NECAB1: variants seen among roughly 807,000 people sequenced by gnomAD.
NECAB1 encodes the protein N-terminal EF-hand calcium binding protein 1, also known as N-terminal EF-hand calcium-binding protein 1.
A neutral mutation model predicts 57.5 loss-of-function variants in NECAB1; 29 were observed. That is an observed-to-expected ratio of 0.50 (90% CI 0.38 to 0.69). The LOEUF is 0.69. Among genes scored for constraint, NECAB1 ranks in the 30% least tolerant of loss-of-function variants. The pLI, the probability that NECAB1 is intolerant of heterozygous loss-of-function variation, is 0.00. For synonymous variants in NECAB1, 142 were observed against 147.7 expected (o/e 0.96, Z 0.28); for missense variants, 372 against 413.8 (o/e 0.90, Z 0.88).
intron 3 of NECAB1, among the ~76,000 whole-genome samples, chr8:90,856,546 A>T (rs1358584565): frequency 2.0e-5 from 3 of 152,224 alleles, no homozygotes; most frequent in Non-Finnish European, 4.4e-5. Context: ...ATCTGAAGTA[A>T]TGGAATAGTT....
intron 8 of NECAB1, among the ~76,000 whole-genome samples, chr8:90,931,225 T>C (rs1045154417): frequency 2.0e-5 from 3 of 152,204 alleles, no homozygotes; most frequent in Non-Finnish European, 4.4e-5. Flanking sequence ...CAGTGCAAGT[T>C]CAGTTTTCTT....
chr8:90,807,717 TAATG>T (rs1377214119), intron 2 of NECAB1, among the ~76,000 whole-genome samples: 5 of 152,284 alleles, frequency 3.3e-5, no homozygotes, highest in Admixed American at 2.0e-4. Context: ...TTTGGGAAAA[TAATG>T]AAACTGAGAA....
At chr8:90,878,704 A>C (rs1282598832) in intron 4 of NECAB1, among the ~76,000 whole-genome samples, 1 of 152,090 alleles carries the variant, frequency 6.6e-6, no homozygotes, top group Non-Finnish European at 1.5e-5. Flanking sequence ...TGAATGAAGG[A>C]CAGAAAGAAT....
intron 3 of NECAB1, among the ~76,000 whole-genome samples, chr8:90,870,777 G>A (rs1260776639): frequency 6.6e-6 from 1 of 152,210 alleles, no homozygotes; most frequent in Admixed American, 6.5e-5. Flanking sequence ...GTTTGTAGAT[G>A]TTGCAACCTC....
At chr8:90,812,006 G>A (rs1036475134) in intron 2 of NECAB1, among the ~76,000 whole-genome samples, 1 of 152,178 alleles carries the variant, frequency 6.6e-6, no homozygotes, top group Non-Finnish European at 1.5e-5. Context: ...AGAGACAGCA[G>A]ATGATCTCTC....
rs201243985 is a variant in NECAB1 at position 90,868,259 on chromosome 8, TC to T, written c.234-3866del. 1.1e-3 allele frequency among the ~76,000 whole-genome samples: 174 copies of T among 152,234 alleles called. No individual in the cohort carries two copies. In the East Asian group the frequency reaches 0.013, roughly 11 times the overall value. On this transcript the variant is annotated intron_variant, in intron 3 of 12. Coordinates refer to ENST00000417640, the MANE Select transcript of NECAB1 (RefSeq NM_022351.5). ...AGTCTCAGGTAGTTCTTTATAGCAA[TC>T]CCAGAATGGATCAATACTGAAAATT...
intron 5 of NECAB1, among the ~76,000 whole-genome samples, chr8:90,892,322 A>T (rs1434902025): frequency 6.6e-6 from 1 of 152,190 alleles, no homozygotes; most frequent in African/African-American, 2.4e-5. Flanking sequence ...CATTCAGTCA[A>T]ATATGAGCAT....
At chr8:90,837,123 G>T (rs73692713) in intron 3 of NECAB1, among the ~76,000 whole-genome samples, 2,350 of 152,302 alleles carry the variant, frequency 0.015, 56 homozygotes, top group African/African-American at 0.052. Context: ...TTTAAAAAAT[G>T]GTTCCAAAAA....
intron 10 of NECAB1, among the ~76,000 whole-genome samples, chr8:90,946,435 A>G (rs1348911685): frequency 6.6e-6 from 1 of 152,238 alleles, no homozygotes; most frequent in African/African-American, 2.4e-5. Context: ...TCTGTAAACA[A>G]TGGAGAAATA....
At chr8:90,871,548 T>A (rs1232096797) in intron 3 of NECAB1, among the ~76,000 whole-genome samples, 1 of 152,128 alleles carries the variant, frequency 6.6e-6, no homozygotes, top group Non-Finnish European at 1.5e-5. Flanking sequence ...GTTTTAGAAA[T>A]CATATGAAAT....
chr8:90,824,106 A>G (rs1812188035), intron 2 of NECAB1, among the ~76,000 whole-genome samples: 1 of 151,888 alleles, frequency 6.6e-6, no homozygotes, highest in South Asian at 2.1e-4. Context: ...ATTTTACTGT[A>G]TAAAATACTT....
intron 3 of NECAB1, among the ~76,000 whole-genome samples, chr8:90,864,576 A>G (rs918870945): frequency 4.6e-5 from 7 of 152,122 alleles, no homozygotes; most frequent in Non-Finnish European, 5.9e-5. Flanking sequence ...AGAATGAGAT[A>G]ACCCATTGAC....
intron 3 of NECAB1, among the ~76,000 whole-genome samples, chr8:90,837,282 C>G (rs530508090): frequency 6.6e-6 from 1 of 152,174 alleles, no homozygotes; most frequent in African/African-American, 2.4e-5. Flanking sequence ...CCAAGACCCA[C>G]AGTGGATGCT....
intron 5 of NECAB1, among the ~76,000 whole-genome samples, chr8:90,910,342 T>C (rs1241960465): frequency 6.6e-6 from 1 of 152,144 alleles, no homozygotes; most frequent in Non-Finnish European, 1.5e-5. Flanking sequence ...CTTTTTCTTA[T>C]TATAACCTTG....
chr8:90,855,492 C>G (rs1309057183), intron 3 of NECAB1, among the ~76,000 whole-genome samples: 1 of 152,138 alleles, frequency 6.6e-6, no homozygotes, highest in East Asian at 1.9e-4. Context: ...CAGATTGGAA[C>G]TTTGGGTCAC....
chr8:90,926,225 AT>A (rs1263953829), intron 7 of NECAB1, among the ~76,000 whole-genome samples: 1 of 152,186 alleles, frequency 6.6e-6, no homozygotes, highest in East Asian at 1.9e-4. Flanking sequence ...TATTGGAGTA[AT>A]TTTTATAAAG....
Position 90,791,796 on chromosome 8 carries a change from G to C in NECAB1, c.-91G>C. The C allele has an allele frequency of 1.0e-6, 1 of 1,002,302 alleles. No homozygotes were observed. The allele number at this position is 1,002,302 out of a possible 1,614,324, so 62.1% of individuals were successfully genotyped here. ...CACCCTCCCGGATCCAGAGCCCGGC[G>C]GCGGCGAAGCAGCAGCTGCGGCCGC... On this transcript the variant is annotated 5_prime_UTR_variant, in exon 1 of 13. Coordinates refer to ENST00000417640, the MANE Select transcript of NECAB1 (RefSeq NM_022351.5).
chr8:90,813,609 C>G (rs1812008518), intron 2 of NECAB1, among the ~76,000 whole-genome samples: 1 of 152,098 alleles, frequency 6.6e-6, no homozygotes, highest in Admixed American at 6.5e-5. Flanking sequence ...CTCACTATAA[C>G]CTTGAATTCC....
chr8:90,884,707 A>T (rs2129901890), intron 5 of NECAB1, among the ~76,000 whole-genome samples: 1 of 152,314 alleles, frequency 6.6e-6, no homozygotes, highest in South Asian at 2.1e-4. Context: ...AACCACAAAA[A>T]ATACTTTTTA....
Sources: gnomAD v4.1 joint callset for allele counts (sites outside exome capture counted in the v4.1 genomes callset) on GRCh38, gnomAD v4.1.1 for gene constraint, MANE v1.5 for transcripts, NCBI Gene and HGNC (gene_info 2026-07-23, HGNC 2026-07-21) for gene names.